TAF2: variants seen among roughly 807,000 people sequenced by gnomAD.
TAF2 encodes TATA-box binding protein associated factor 2.
In TAF2, 61 loss-of-function variants were observed where a neutral mutation model predicts 138.5. The observed-to-expected ratio is 0.44, with a 90% CI of 0.36 to 0.54. The LOEUF is 0.54. TAF2 is among the 20% of genes least tolerant of loss of function. The pLI, the probability that TAF2 is intolerant of heterozygous loss-of-function variation, is 0.00. For missense variants in TAF2, 1,090 were observed against 1,427.9 expected (o/e 0.76, Z 3.81); for synonymous variants, 475 against 469.9 (o/e 1.01, Z -0.14).
At chr8:119,751,169 C>G (rs1335224740) in intron 22 of TAF2, among the ~76,000 whole-genome samples, 3 of 151,986 alleles carry the variant, frequency 2.0e-5, no homozygotes, top group African/African-American at 4.8e-5. Context: ...TTACTTGAAG[C>G]TATAAAGGCA....
chr8:119,818,360 A>T (rs1825610432), intron 3 of TAF2, among the ~76,000 whole-genome samples: 1 of 152,232 alleles, frequency 6.6e-6, no homozygotes, highest in Non-Finnish European at 1.5e-5. Flanking sequence ...CCTCTAGACT[A>T]GTTAAAACAT....
chr8:119,821,464 T>C (rs1381182016), intron 2 of TAF2, among the ~76,000 whole-genome samples: 4 of 152,214 alleles, frequency 2.6e-5, no homozygotes, highest in African/African-American at 9.6e-5. Flanking sequence ...AAGAAGCTAC[T>C]TACTCTCCCA....
intron 3 of TAF2, among the ~76,000 whole-genome samples, chr8:119,809,912 A>G (rs151182865): frequency 2.6e-5 from 4 of 152,020 alleles, no homozygotes; most frequent in East Asian, 3.9e-4. Context: ...AAAATGTGAC[A>G]TAGAGACATG....
chr8:119,816,244 A>C (rs1179359457), intron 3 of TAF2, among the ~76,000 whole-genome samples: 2 of 150,966 alleles, frequency 1.3e-5, no homozygotes, highest in East Asian at 3.9e-4. Flanking sequence ...TTTTTAGTAG[A>C]GATGGGGTTT....
intron 18 of TAF2, 89 bp downstream of exon 18, chr8:119,777,930 C>T: frequency 1.4e-6 from 1 of 701,794 alleles, no homozygotes; most frequent in Non-Finnish European, 2.4e-6. Flanking sequence ...TATTTAGAAA[C>T]AAAATACCAT....
At position 119,731,661 on chromosome 8, in the gene TAF2, A is replaced by C. The variant is rs1354419722; in HGVS notation, c.*263T>G. Reference sequence around the variant, plus strand: ...GCCAGTGGATATGAGGGCTTTTATGAAAGGGAGTTTGCTCTGTGTGTGTGT... The same window carrying C: ...GCCAGTGGATATGAGGGCTTTTATGCAAGGGAGTTTGCTCTGTGTGTGTGT... On this transcript the variant is annotated 3_prime_UTR_variant, in exon 26 of 26. Coordinates refer to ENST00000378164, the MANE Select transcript of TAF2 (RefSeq NM_003184.4). 4.1e-6 allele frequency: 2 copies of C among 483,870 alleles called. No homozygotes were observed. The highest frequency in any genetic ancestry group is 3.9e-5 in the African/African-American group (2 of 51,554). The allele number at this position is 483,870 out of a possible 1,614,324, so 30.0% of individuals were successfully genotyped here.
At chr8:119,736,079 CA>C (rs1359120989) in intron 25 of TAF2, among the ~76,000 whole-genome samples, 1 of 152,150 alleles carries the variant, frequency 6.6e-6, no homozygotes, top group Non-Finnish European at 1.5e-5. Context: ...TGCAGAAAGC[CA>C]GTCATTATGT....
intron 3 of TAF2, among the ~76,000 whole-genome samples, chr8:119,817,835 C>T (rs1014325682): frequency 3.3e-5 from 5 of 152,118 alleles, no homozygotes; most frequent in African/African-American, 1.2e-4. Context: ...GTGACCTTTC[C>T]ATTTATTAGT....
rs765806341 is a variant in TAF2 at position 119,803,875 on chromosome 8, T to C, written c.560+3A>G. The C allele has an allele frequency of 6.2e-7, 1 of 1,611,596 alleles. No homozygotes were observed. Among genetic ancestry groups the C allele is most frequent in the Non-Finnish European group, 8.5e-7 (1 of 1,178,896 alleles). ...TTGAAATATTTAAGAATCTATAATCTACCTTGTAGAATTTTGATACCCACA... is the reference window on the plus strand; with the variant it reads ...TTGAAATATTTAAGAATCTATAATCCACCTTGTAGAATTTTGATACCCACA... On this transcript the variant is annotated splice_donor_region_variant and intron_variant, in intron 5 of 25. Coordinates refer to ENST00000378164, the MANE Select transcript of TAF2 (RefSeq NM_003184.4).
rs904093236 is a variant in TAF2, at chr8:119,793,369, T to C, written c.1274A>G (p.Asp425Gly). Residue 425 changes from aspartate (D) to glycine (G), a missense_variant, in exon 10 of 26, where the codon GAT (aspartate) becomes GGT (glycine). Physicochemically the swap from Asp to Gly is moderately conservative, Grantham distance 94. Coordinates refer to ENST00000378164, the MANE Select transcript of TAF2 (RefSeq NM_003184.4). The part of the protein sequence containing the change: ...HPIFGGGKEK[D>G]NPASHLHFSI... Reference sequence around the variant, plus strand: ...CATCTCTGAACAATAAACATACTTATCCTTCTCTTTTCCTCCACCAAATAT... The same window carrying C: ...CATCTCTGAACAATAAACATACTTACCCTTCTCTTTTCCTCCACCAAATAT... 1 of 1,610,980 alleles carries C rather than the reference T, an allele frequency of 6.2e-7. No individual in the cohort carries two copies. The highest frequency in any genetic ancestry group is 8.5e-7 in the Non-Finnish European group (1 of 1,177,488).
At chr8:119,803,115 A>T (rs560742523) in intron 5 of TAF2, among the ~76,000 whole-genome samples, 2 of 152,250 alleles carry the variant, frequency 1.3e-5, no homozygotes, top group Non-Finnish European at 2.9e-5. Flanking sequence ...TGTTTCAAAA[A>T]AAATAAATAA....
chr8:119,771,068 C>A (rs1017268051), intron 18 of TAF2, among the ~76,000 whole-genome samples: 1 of 151,898 alleles, frequency 6.6e-6, no homozygotes, highest in Non-Finnish European at 1.5e-5. Flanking sequence ...GAGACTCCGT[C>A]TCTTAAAAAA....
chr8:119,778,106 T>C lies in TAF2; in HGVS notation c.2277A>G (p.Leu759=). The C allele has an allele frequency of 6.2e-7, 1 of 1,603,246 alleles. No homozygotes were observed. The highest frequency in any genetic ancestry group is 8.5e-7 in the Non-Finnish European group (1 of 1,171,742). ...GACAAAGATTATGAACATCTCTTAA[T>C]AAAGCCATTGCAACTGGCATAGTCT... is the stretch of plus-strand genomic sequence containing the variant. ...LQKTMPVAMA[L]LRDVHNLCPK... Residue 759 remains leucine, a synonymous_variant, in exon 18 of 26, where the codon TTA becomes TTG. Transcript: ENST00000378164.
chr8:119,749,168 T>C (rs1820180836), intron 22 of TAF2, among the ~76,000 whole-genome samples: 1 of 152,202 alleles, frequency 6.6e-6, no homozygotes. Context: ...TTTTATTTTG[T>C]TTTTGAACGT....
intron 2 of TAF2, among the ~76,000 whole-genome samples, chr8:119,829,291 C>T (rs10108322): frequency 0.94 from 143,668 of 152,208 alleles, 67,886 homozygotes; most frequent in East Asian, 1. Context: ...GATTCCTTTC[C>T]GCCAGGCTGC....
intron 25 of TAF2, among the ~76,000 whole-genome samples, chr8:119,736,147 G>A (rs1364291734): frequency 6.6e-6 from 1 of 152,184 alleles, no homozygotes; most frequent in East Asian, 1.9e-4. Context: ...AGCATTTGTA[G>A]GTGTAATCTT....
chr8:119,789,487 T>G, intron 12 of TAF2, 105 bp downstream of exon 12: 1 of 1,338,086 alleles, frequency 7.5e-7, no homozygotes, highest in Non-Finnish European at 1.1e-6. Flanking sequence ...TATAAACAGT[T>G]CATACTTCCT....
rs145209726 is a variant in TAF2 at position 119,744,334 on chromosome 8, G to A, written c.3168C>T (p.Ala1056=). 6.2e-7 allele frequency: 1 copy of A among 1,613,652 alleles called. No homozygotes were observed. Among genetic ancestry groups the A allele is most frequent in the African/African-American group, 1.3e-5 (1 of 74,888 alleles). The part of the protein sequence containing the change: ...IDMDTVHDSQ[A]FISHHLNMLE... ...GCATGTTTAAATGATGGGAAATGAAGGCCTGGCTATCATGAACAGTATCCA... is the reference window on the plus strand; with the variant it reads ...GCATGTTTAAATGATGGGAAATGAAAGCCTGGCTATCATGAACAGTATCCA... Residue 1056 remains alanine (A), a synonymous_variant, in exon 24 of 26, where the codon GCC becomes GCT. Transcript: ENST00000378164.
In TAF2 at chr8:119,828,124, C is replaced by T. The variant is rs774759351; in HGVS notation, c.138+3553G>A. Among the ~76,000 whole-genome samples the T allele has an allele frequency of 4.6e-5, 7 of 152,060 alleles. No individual in the cohort carries two copies. In the South Asian group the frequency reaches 8.3e-4, roughly 18 times the overall value. On this transcript the variant is annotated intron_variant, in intron 2 of 25. Transcript: ENST00000378164. ...AACTCCTGACCTCAGGTGATCCATC[C>T]GCCTTGGCCTCCCAAAGTGCTGGGA...
Sources: allele counts gnomAD v4.1 joint callset (sites outside exome capture counted in the v4.1 genomes callset), GRCh38; gene constraint gnomAD v4.1.1; transcripts MANE v1.5; gene names NCBI Gene and HGNC (gene_info 2026-07-23, HGNC 2026-07-21).